Variants in MINDY4 observed in about 807,000 individuals in gnomAD.
MINDY4 encodes the protein probable ubiquitin carboxyl-terminal hydrolase MINDY-4.
A neutral mutation model predicts 87.0 loss-of-function variants in MINDY4; 68 were observed. That is an observed-to-expected ratio of 0.78 (90% CI 0.64 to 0.96). The LOEUF (loss-of-function observed/expected upper bound fraction) is 0.96. MINDY4 is among the 40% of genes least tolerant of loss of function. MINDY4 has a pLI of 0.00. For synonymous variants in MINDY4, 379 were observed against 363.2 expected (o/e 1.04, Z -0.50); for missense variants, 919 against 928.2 (o/e 0.99, Z 0.13).
chr7:30,869,040 C>T (rs1289696692), intron 13 of MINDY4, among the ~76,000 whole-genome samples: 1 of 152,192 alleles, frequency 6.6e-6, no homozygotes, highest in East Asian at 1.9e-4. Flanking sequence ...CCTGGAGGGG[C>T]CCCCAGTGCA....
rs1789489181 is a variant in MINDY4 at position 30,853,789 on chromosome 7, CTCTG to C, written c.1677+335_1677+338del. Among the ~76,000 whole-genome samples, 5 of 152,086 alleles carry C rather than the reference CTCTG, an allele frequency of 3.3e-5. No homozygotes were observed. The South Asian group carries it at 1.0e-3, about 32-fold the overall frequency. On this transcript the variant is annotated intron_variant, in intron 12 of 17. Transcript: ENST00000265299. The stretch of plus-strand genomic sequence containing the variant: ...TAGATGGAGGTCACCAGAGCTTTCT[CTCTG>C]TCTGAGTGGAAGCAGCCGCCACTGG...
At chr7:30,839,087 A>G in intron 7 of MINDY4, 113 bp from the exon 8 acceptor site, 2 of 641,456 alleles carry the variant, frequency 3.1e-6, no homozygotes, top group Non-Finnish European at 5.5e-6. Flanking sequence ...CATGCTAGAA[A>G]ATGGGCTTCC....
chr7:30,840,478 G>A (rs866951544), intron 8 of MINDY4, among the ~76,000 whole-genome samples: 20 of 152,342 alleles, frequency 1.3e-4, no homozygotes, highest in Middle Eastern at 3.4e-3. Flanking sequence ...CTATGGTGAT[G>A]TCCTTGGCTT....
intron 7 of MINDY4, 52 bp downstream of exon 7, chr7:30,836,816 A>G (rs10258097): frequency 0.61 from 839,040 of 1,373,428 alleles, 262,500 homozygotes; most frequent in African/African-American, 0.9. Flanking sequence ...GAATGGATAT[A>G]GATGGCGTGA....
Position 30,782,133 on chromosome 7 carries a change from A to T in MINDY4, c.340A>T (p.Thr114Ser), listed in dbSNP as rs762318913. The change falls in exon 3 of 18, where the codon ACT becomes TCT. Residue 114 changes from threonine to serine, a missense_variant. By Grantham distance (58) the Thr-to-Ser change is moderately conservative. Transcript: ENST00000265299. ...CAAAGTGCCATCAAGATGCTCAGAG[A>T]CTACACTGGTAAATATATATGACCT... The part of the protein sequence containing the change: ...NNKVPSRCSE[T>S]TLVNIYDLSD... 1.7e-5 allele frequency: 28 copies of T among 1,613,870 alleles called. No individual in the cohort carries two copies. The Admixed American group carries it at 4.7e-4, about 27-fold the overall frequency.
chr7:30,828,676 CA>C lies in MINDY4; in HGVS notation c.1074-2del. 6.2e-7 allele frequency: 1 copy of C among 1,613,848 alleles called. No homozygotes were observed. Among genetic ancestry groups the C allele is most frequent in the Non-Finnish European group, 8.5e-7 (1 of 1,179,960 alleles). On this transcript the variant is annotated splice_acceptor_variant, in intron 5 of 17. Transcript: ENST00000265299. LOFTEE classifies it high-confidence loss of function. ...TGGTACATTGATATTTTCTATTTTC[CA>C]GGAAAAATCAGTTGCTGCCGTCTGA...
chr7:30,859,137 G>A, intron 12 of MINDY4, 120 bp from the exon 13 acceptor site: 1 of 941,626 alleles, frequency 1.1e-6, no homozygotes, highest in South Asian at 1.4e-5. Flanking sequence ...CCCCAGGGCT[G>A]GGCTGGAGGC....
chr7:30,826,499 T>G (rs1050065915), intron 5 of MINDY4, among the ~76,000 whole-genome samples: 2 of 152,174 alleles, frequency 1.3e-5, no homozygotes, highest in African/African-American at 4.8e-5. Flanking sequence ...TATGAAAAGA[T>G]ATAGAGACAT....
At chr7:30,891,397 T>G (rs527677961) in intron 17 of MINDY4, among the ~76,000 whole-genome samples, 1 of 146,624 alleles carries the variant, frequency 6.8e-6, no homozygotes, top group African/African-American at 2.7e-5. Flanking sequence ...ACTCCGTGCT[T>G]CTTCAGGTTA....
At chr7:30,855,319 A>T (rs956053960) in intron 12 of MINDY4, among the ~76,000 whole-genome samples, 1 of 152,242 alleles carries the variant, frequency 6.6e-6, no homozygotes, top group Non-Finnish European at 1.5e-5. Context: ...ATGCAGTACT[A>T]GGCAGTCTGA....
At chr7:30,829,273 T>A (rs1788622580) in intron 6 of MINDY4, among the ~76,000 whole-genome samples, 2 of 149,784 alleles carry the variant, frequency 1.3e-5, no homozygotes, top group East Asian at 2.1e-4. Flanking sequence ...ACTCTTTAGT[T>A]TTGAAGCAAA....
chr7:30,821,851 A>G (rs552630085), intron 5 of MINDY4, among the ~76,000 whole-genome samples: 8 of 152,316 alleles, frequency 5.3e-5, no homozygotes, highest in African/African-American at 1.9e-4. Flanking sequence ...ATGTTTACCA[A>G]AATATTTTTC....
chr7:30,832,383 C>T (rs1180708664), intron 6 of MINDY4, among the ~76,000 whole-genome samples: 2 of 152,216 alleles, frequency 1.3e-5, no homozygotes, highest in Non-Finnish European at 2.9e-5. Flanking sequence ...GTTATCCTGC[C>T]CCTTTGTCTG....
chr7:30,891,249 C>T (rs901748442), intron 17 of MINDY4, among the ~76,000 whole-genome samples: 2 of 152,280 alleles, frequency 1.3e-5, no homozygotes, highest in African/African-American at 4.8e-5. Context: ...TTTGATTCTT[C>T]TGAGTGTTTT....
rs886870988 is a variant in MINDY4 at position 30,872,314 on chromosome 7, G to A, written c.1809+8G>A. 1 of 1,613,784 alleles carries A rather than the reference G, an allele frequency of 6.2e-7. No individual in the cohort carries two copies. Among genetic ancestry groups the A allele is most frequent in the Non-Finnish European group, 8.5e-7 (1 of 1,179,794 alleles). On this transcript the variant is annotated splice_region_variant and intron_variant, in intron 14 of 17. Coordinates refer to ENST00000265299, the MANE Select transcript of MINDY4 (RefSeq NM_032222.3). ...CATGGCTACTGTACACAGGTCAGGG[G>A]GCGCTGTGGGGCCCAGGTGGTCCTT...
At chr7:30,852,867 G>A (rs1333137539) in intron 11 of MINDY4, among the ~76,000 whole-genome samples, 1 of 152,204 alleles carries the variant, frequency 6.6e-6, no homozygotes, top group Non-Finnish European at 1.5e-5. Context: ...GTTTGGGCAC[G>A]TGTTGCCCTG....
chr7:30,825,554 G>T (rs1788472877), intron 5 of MINDY4, among the ~76,000 whole-genome samples: 1 of 152,244 alleles, frequency 6.6e-6, no homozygotes, highest in Non-Finnish European at 1.5e-5. Flanking sequence ...CTGAGCAGGG[G>T]AAGGATGTGG....
intron 16 of MINDY4, 150 bp downstream of exon 16, chr7:30,882,511 T>C (rs915445683): frequency 1.3e-6 from 1 of 757,832 alleles, no homozygotes; most frequent in Admixed American, 3.1e-5. Flanking sequence ...AGAGAGCCAA[T>C]GCCAGCAGGG....
intron 5 of MINDY4, among the ~76,000 whole-genome samples, chr7:30,812,881 C>T (rs11977790): frequency 0.026 from 3,922 of 152,288 alleles, 158 homozygotes; most frequent in African/African-American, 0.09. Context: ...ATGACATTTC[C>T]AACAGGAGAT....
Sources: allele counts gnomAD v4.1 joint callset (sites outside exome capture counted in the v4.1 genomes callset), GRCh38; gene constraint gnomAD v4.1.1; transcripts MANE v1.5; gene names NCBI Gene and HGNC (gene_info 2026-07-23, HGNC 2026-07-21).